The following RBFOX1 variants were observed in gnomAD, a reference collection of about 807,000 sequenced individuals.
RBFOX1 encodes RNA binding protein fox-1 homolog 1.
RBFOX1 carries 8 observed loss-of-function variants against 57.7 expected under a neutral mutation model. The ratio of observed to expected loss-of-function variants is 0.14; its 90% CI spans 0.08 to 0.25. RBFOX1 has a LOEUF of 0.25. Among genes scored for constraint, RBFOX1 ranks in the 10% least tolerant of loss-of-function variants. RBFOX1 has a pLI of 1.00. For missense variants in RBFOX1, 611 were observed against 548.5 expected (o/e 1.11, Z -1.14); for synonymous variants, 326 against 222.4 (o/e 1.47, Z -4.15).
At chr16:7,437,285 C>A (rs1054385038) in intron 4 of RBFOX1, among the ~76,000 whole-genome samples, 7 of 146,010 alleles carry the variant, frequency 4.8e-5, no homozygotes, top group Non-Finnish European at 1.0e-4. Flanking sequence ...AAATTAGTAT[C>A]CTTCTTCTCC....
At chr16:6,881,588 G>A (rs2062944711) in intron 3 of RBFOX1, among the ~76,000 whole-genome samples, 1 of 152,124 alleles carries the variant, frequency 6.6e-6, no homozygotes, top group Admixed American at 6.5e-5. Context: ...AGTCATACTG[G>A]CTTACAGCCC....
chr16:5,980,422 G>A (rs2060149337), intron 4 of RBFOX1, among the ~76,000 whole-genome samples: 1 of 152,172 alleles, frequency 6.6e-6, no homozygotes, highest in African/African-American at 2.4e-5. Flanking sequence ...GGGAGCTTCA[G>A]GGTGTCTCAG....
intron 1 of RBFOX1, among the ~76,000 whole-genome samples, chr16:6,036,246 G>A (rs1316417341): frequency 1.3e-5 from 2 of 152,148 alleles, no homozygotes; most frequent in African/African-American, 4.8e-5. Flanking sequence ...TAAAGAGATG[G>A]GGAACTGAAC....
At position 6,256,193 on chromosome 16, in the gene RBFOX1, ATATGTATATG is replaced by A. The variant is rs2097662797; in HGVS notation, c.-126-60798_-126-60789del. On this transcript the variant is annotated intron_variant, in intron 1 of 15. Transcript: ENST00000550418. Reference sequence around the variant, plus strand: ...TATGTATATATATATATACGTATATATATGTATATGTATATGTGTATATATATGTATATAT... The same window carrying A: ...TATGTATATATATATATACGTATATATATATGTGTATATATATGTATATAT... Among the ~76,000 whole-genome samples the A allele has an allele frequency of 7.4e-5, 2 of 27,170 alleles. 1 individual carries two copies. Among genetic ancestry groups the A allele is most frequent in the East Asian group, 0.014 (2 of 144 alleles). 17.8% of individuals were successfully genotyped at this position (27,170 alleles called of 152,430 possible). A position where few individuals can be genotyped will look rare whatever the true frequency, so the allele number is the denominator to read the frequency against.
At chr16:7,222,420 T>C (rs1348047065) in intron 4 of RBFOX1, among the ~76,000 whole-genome samples, 2 of 152,208 alleles carry the variant, frequency 1.3e-5, no homozygotes, top group African/African-American at 4.8e-5. Context: ...TACTGAACTG[T>C]TAGGGCATGT....
chr16:7,407,031 A>T (rs866975767), intron 4 of RBFOX1, among the ~76,000 whole-genome samples: 1 of 152,158 alleles, frequency 6.6e-6, no homozygotes, highest in Admixed American at 6.5e-5. Flanking sequence ...AAGATAATCA[A>T]AGATAATCTC....
intron 2 of RBFOX1, among the ~76,000 whole-genome samples, chr16:6,634,823 GAT>G (rs901632372): frequency 7.6e-5 from 10 of 131,700 alleles, no homozygotes; most frequent in Non-Finnish European, 1.2e-4. Context: ...ATAATACAAA[GAT>G]ATACATATAT....
At chr16:6,286,920 C>A (rs1335540304) in intron 1 of RBFOX1, among the ~76,000 whole-genome samples, 3 of 152,126 alleles carry the variant, frequency 2.0e-5, no homozygotes, top group Non-Finnish European at 4.4e-5. Context: ...GCAATATTTG[C>A]TCAGCAACTA....
At chr16:6,585,986 G>T (rs111436652) in intron 2 of RBFOX1, among the ~76,000 whole-genome samples, 1 of 152,150 alleles carries the variant, frequency 6.6e-6, no homozygotes, top group Admixed American at 6.5e-5. Context: ...CAAAACAGTG[G>T]AATACATGTT....
intron 4 of RBFOX1, among the ~76,000 whole-genome samples, chr16:7,367,885 TACACAC>T (rs34277471): frequency 6.1e-4 from 90 of 148,428 alleles, no homozygotes; most frequent in Middle Eastern, 7.0e-3. Context: ...CATGCGTGCA[TACACAC>T]ACACACACAC....
At chr16:6,323,695 A>G (rs985926038) in intron 2 of RBFOX1, among the ~76,000 whole-genome samples, 5 of 152,140 alleles carry the variant, frequency 3.3e-5, no homozygotes, top group African/African-American at 1.2e-4. Flanking sequence ...TATGTTTATT[A>G]ATTTTTCAAT....
chr16:5,252,292 G>A (rs1421627163), intron 1 of RBFOX1, among the ~76,000 whole-genome samples: 1 of 152,202 alleles, frequency 6.6e-6, no homozygotes, highest in East Asian at 1.9e-4. Flanking sequence ...TTTCCAGGAG[G>A]TCCAGTTAAA....
At chr16:6,962,630 C>A (rs891721803) in intron 3 of RBFOX1, among the ~76,000 whole-genome samples, 2 of 152,022 alleles carry the variant, frequency 1.3e-5, no homozygotes, top group African/African-American at 4.8e-5. Flanking sequence ...TTTGGGAGGC[C>A]GAGGCCGGTA....
intron 2 of RBFOX1, among the ~76,000 whole-genome samples, chr16:6,319,987 TA>T (rs148157721): frequency 5.3e-5 from 8 of 151,898 alleles, no homozygotes; most frequent in East Asian, 1.9e-4. Context: ...ATTATAGGAA[TA>T]TTTTTTTTTC....
At chr16:6,789,379 G>A (rs1032434400) in intron 3 of RBFOX1, among the ~76,000 whole-genome samples, 2 of 152,248 alleles carry the variant, frequency 1.3e-5, no homozygotes, top group African/African-American at 4.8e-5. Flanking sequence ...CAATGTTAAG[G>A]GGTCCTAGGT....
At chr16:6,756,934 C>G (rs1017177296) in intron 3 of RBFOX1, among the ~76,000 whole-genome samples, 4 of 151,988 alleles carry the variant, frequency 2.6e-5, no homozygotes, top group Non-Finnish European at 5.9e-5. Context: ...GAGATCGTGC[C>G]ATTGCACTCC....
At chr16:6,371,966 C>G (rs959781114) in intron 2 of RBFOX1, among the ~76,000 whole-genome samples, 5 of 152,150 alleles carry the variant, frequency 3.3e-5, no homozygotes, top group African/African-American at 1.2e-4. Flanking sequence ...ATCTTTGTAT[C>G]CCCATTGCCT....
intron 4 of RBFOX1, among the ~76,000 whole-genome samples, chr16:7,504,574 C>T (rs2151900372): frequency 6.7e-6 from 1 of 149,710 alleles, no homozygotes; most frequent in Middle Eastern, 3.4e-3. Flanking sequence ...GAAAGGACCT[C>T]ATTGTTGCCG....
At chr16:6,042,035 T>A (rs2095441740) in intron 1 of RBFOX1, among the ~76,000 whole-genome samples, 1 of 151,880 alleles carries the variant, frequency 6.6e-6, no homozygotes, top group South Asian at 2.1e-4. Flanking sequence ...CCCTCCTCCA[T>A]CTTCAAAGCC....
Sources: allele counts gnomAD v4.1 joint callset (sites outside exome capture counted in the v4.1 genomes callset), GRCh38; gene constraint gnomAD v4.1.1; transcripts MANE v1.5; gene names NCBI Gene and HGNC (gene_info 2026-07-23, HGNC 2026-07-21).